The following SPOCK1 variants were observed in gnomAD, a reference collection of about 807,000 sequenced individuals.
SPOCK1 encodes the protein SPARC (osteonectin), cwcv and kazal like domains proteoglycan 1.
Under a neutral mutation model 55.3 loss-of-function variants are expected in SPOCK1, and 23 were observed. The ratio of observed to expected loss-of-function variants is 0.42; its 90% CI spans 0.30 to 0.59. The LOEUF (loss-of-function observed/expected upper bound fraction) is 0.59. Among genes scored for constraint, SPOCK1 ranks in the 20% least tolerant of loss-of-function variants. The probability of loss-of-function intolerance (pLI) is 0.22; values close to 1 mark genes in which losing one functional copy is unlikely to be tolerated. For synonymous variants in SPOCK1, 226 were observed against 221.0 expected (o/e 1.02, Z -0.20); for missense variants, 499 against 552.5 (o/e 0.90, Z 0.97).
intron 5 of SPOCK1, among the ~76,000 whole-genome samples, chr5:137,101,104 G>T (rs946091541): frequency 6.6e-6 from 1 of 152,030 alleles, no homozygotes; most frequent in African/African-American, 2.4e-5. Context: ...AAAATATGAA[G>T]AAGTCTGACC....
chr5:137,465,245 A>C (rs1225366228), intron 2 of SPOCK1, among the ~76,000 whole-genome samples: 1 of 152,164 alleles, frequency 6.6e-6, no homozygotes, highest in African/African-American at 2.4e-5. Context: ...AATCAAACAC[A>C]CTTACCAAAT....
rs368484513 is a variant in SPOCK1 at position 137,326,767 on chromosome 5, C to T, written c.187-59712G>A. On this transcript the variant is annotated intron_variant, in intron 2 of 10. Transcript: ENST00000394945. ...ATTTGGAGCTTATCAGGAGATTCAA[C>T]CTTTCACAGAAAAATACTATTTGAC... Among the ~76,000 whole-genome samples, 6 of 152,196 alleles carry T rather than the reference C, an allele frequency of 3.9e-5. 1 individual carries two copies. The South Asian group carries it at 1.2e-3, about 32-fold the overall frequency.
chr5:137,362,329 C>A (rs1750966526), intron 2 of SPOCK1, among the ~76,000 whole-genome samples: 1 of 145,884 alleles, frequency 6.9e-6, no homozygotes, highest in Admixed American at 7.3e-5. Flanking sequence ...ACGTCAGCAA[C>A]CTTTTTTTTT....
chr5:137,387,861 T>TA lies in SPOCK1; in HGVS notation c.186+110511dup, dbSNP rs35984363. Among the ~76,000 whole-genome samples the TA allele has an allele frequency of 5.6e-4, 83 of 149,208 alleles. 1 individual carries two copies. Among genetic ancestry groups the TA allele is most frequent in the Middle Eastern group, 3.4e-3 (1 of 290 alleles). On this transcript the variant is annotated intron_variant, in intron 2 of 10. Transcript: ENST00000394945. ...ATTTTTGCTGTAAATTTAAAACTGC[T>TA]AAAAAAAAAAATAAAGTATATTTAA... is the stretch of plus-strand genomic sequence containing the variant.
chr5:137,090,205 C>T (rs541441964), intron 5 of SPOCK1, among the ~76,000 whole-genome samples: 6 of 152,224 alleles, frequency 3.9e-5, no homozygotes, highest in Non-Finnish European at 7.3e-5. Context: ...TTGAGCCTGC[C>T]TCAGGAACAA....
chr5:137,225,395 T>C (rs192894540), intron 3 of SPOCK1, among the ~76,000 whole-genome samples: 183 of 152,288 alleles, frequency 1.2e-3, no homozygotes, highest in Non-Finnish European at 1.0e-4. Flanking sequence ...TGTCACACAG[T>C]ACCCACACAA....
intron 6 of SPOCK1, among the ~76,000 whole-genome samples, chr5:137,015,863 C>T (rs1479373145): frequency 6.6e-6 from 1 of 152,118 alleles, no homozygotes; most frequent in Non-Finnish European, 1.5e-5. Flanking sequence ...AGTCAGGATA[C>T]CATTTTAAAA....
chr5:137,259,665 T>A (rs2127111807), intron 3 of SPOCK1, among the ~76,000 whole-genome samples: 1 of 114,716 alleles, frequency 8.7e-6, no homozygotes, highest in South Asian at 2.6e-4. Flanking sequence ...TGAAAACAGA[T>A]GAAAAGTAAA....
At position 137,405,469 on chromosome 5, in the gene SPOCK1, G is replaced by A. The variant is rs181277524; in HGVS notation, c.186+92904C>T. Among the ~76,000 whole-genome samples, 27 of 152,230 alleles carry A rather than the reference G, an allele frequency of 1.8e-4. No homozygotes were observed. In the East Asian group the frequency reaches 4.5e-3, roughly 25 times the overall value. ...TGTGTCCTATTTTCCAGTCAGAAAC[G>A]AGGGTCCTCCTGCGGGTAGCCCAGG... On this transcript the variant is annotated intron_variant, in intron 2 of 10. Coordinates refer to ENST00000394945, the MANE Select transcript of SPOCK1 (RefSeq NM_004598.4).
At chr5:137,369,419 G>A (rs1356603389) in intron 2 of SPOCK1, among the ~76,000 whole-genome samples, 1 of 152,086 alleles carries the variant, frequency 6.6e-6, no homozygotes, top group Non-Finnish European at 1.5e-5. Flanking sequence ...TAATGACAGG[G>A]CTGTAAGAGA....
At chr5:137,288,058 A>G (rs1286194955) in intron 2 of SPOCK1, among the ~76,000 whole-genome samples, 1 of 152,246 alleles carries the variant, frequency 6.6e-6, no homozygotes, top group African/African-American at 2.4e-5. Context: ...AGTGAGCTGT[A>G]ACAGTTCCAG....
At chr5:137,334,683 T>C (rs1304751891) in intron 2 of SPOCK1, among the ~76,000 whole-genome samples, 1 of 152,202 alleles carries the variant, frequency 6.6e-6, no homozygotes. Flanking sequence ...AGGTCCCCTG[T>C]TGAGGTCAGA....
intron 2 of SPOCK1, among the ~76,000 whole-genome samples, chr5:137,325,808 C>T (rs976742250): frequency 1.3e-5 from 2 of 152,206 alleles, no homozygotes; most frequent in East Asian, 1.9e-4. Flanking sequence ...GTAGTTTACA[C>T]GGGGCAACCA....
At chr5:137,498,613 C>A in intron 1 of SPOCK1, 55 bp from the exon 2 acceptor site, 10 of 1,246,606 alleles carry the variant, frequency 8.0e-6, no homozygotes, top group Non-Finnish European at 9.0e-6. Context: ...GCCGCGAGCC[C>A]CGGGCACCCA....
At chr5:137,311,201 T>A (rs2127142310) in intron 2 of SPOCK1, among the ~76,000 whole-genome samples, 1 of 152,270 alleles carries the variant, frequency 6.6e-6, no homozygotes, top group Non-Finnish European at 1.5e-5. Flanking sequence ...CTTCAGAATG[T>A]CATGGTTTAA....
intron 2 of SPOCK1, among the ~76,000 whole-genome samples, chr5:137,428,976 G>A (rs929788546): frequency 2.6e-5 from 4 of 152,194 alleles, no homozygotes; most frequent in African/African-American, 9.6e-5. Context: ...CCTGCAAGAA[G>A]AATGATCTTT....
chr5:137,239,460 T>C (rs372212175), intron 3 of SPOCK1, among the ~76,000 whole-genome samples: 3 of 152,186 alleles, frequency 2.0e-5, no homozygotes, highest in African/African-American at 7.2e-5. Flanking sequence ...ATATTGAACA[T>C]GAGACGGGAG....
chr5:136,983,619 C>CAAAAAAAAAAA (rs11364379), intron 9 of SPOCK1, among the ~76,000 whole-genome samples: 94 of 135,360 alleles, frequency 6.9e-4, no homozygotes, highest in African/African-American at 2.0e-3. Context: ...CTCCTTGGAC[C>CAAAAAAAAAAA]AAAAAAAAAA....
chr5:137,360,763 A>C (rs1750924170), intron 2 of SPOCK1, among the ~76,000 whole-genome samples: 1 of 152,216 alleles, frequency 6.6e-6, no homozygotes, highest in South Asian at 2.1e-4. Flanking sequence ...AAGCTGGTAG[A>C]TCAGGGTTTC....
Sources: allele counts gnomAD v4.1 joint callset (sites outside exome capture counted in the v4.1 genomes callset), GRCh38; gene constraint gnomAD v4.1.1; transcripts MANE v1.5; gene names NCBI Gene and HGNC (gene_info 2026-07-23, HGNC 2026-07-21).